AMHR2: variants seen among roughly 807,000 people sequenced by gnomAD.
AMHR2 encodes anti-Muellerian hormone type-2 receptor.
Under a neutral mutation model 61.4 loss-of-function variants are expected in AMHR2, and 36 were observed. That is an observed-to-expected ratio of 0.59 (90% CI 0.45 to 0.77). The LOEUF (loss-of-function observed/expected upper bound fraction) is 0.77. Ranked by LOEUF, AMHR2 falls within the 30% of genes least tolerant of loss-of-function variation. The probability of loss-of-function intolerance (pLI) is 0.00; values close to 1 mark genes in which losing one functional copy is unlikely to be tolerated. For synonymous variants in AMHR2, 258 were observed against 279.4 expected (o/e 0.92, Z 0.76); for missense variants, 638 against 714.6 (o/e 0.89, Z 1.22).
In AMHR2 at chr12:53,425,166, T is replaced by C. The variant is rs1400998320; in HGVS notation, c.426T>C (p.Gly142=). ...CTGCATTCTTGCCTTGATGTCCAGG[T>C]GAGTCCATCTGGATGGCACTGGTGC... is the stretch of plus-strand genomic sequence containing the variant. ...PGSQGPQAAP[G]ESIWMALVLL... The change falls in exon 4 of 11, where the codon GGT becomes GGC. Residue 142 remains glycine (G), a splice_region_variant and synonymous_variant. Coordinates refer to ENST00000257863, the MANE Select transcript of AMHR2 (RefSeq NM_020547.3). 2 of 1,613,870 alleles carry C rather than the reference T, an allele frequency of 1.2e-6. No homozygotes were observed. Among genetic ancestry groups the C allele is most frequent in the Non-Finnish European group, 8.5e-7 (1 of 1,180,020 alleles).
At position 53,429,620 on chromosome 12, in the gene AMHR2, A is replaced by C; in HGVS notation, c.1135A>C (p.Met379Leu). ...TCAACCACAAGGCCCAGCTGCCATC[A>C]TGGAAGTGAGTTCTCTGGATAACTG... is the stretch of plus-strand genomic sequence containing the variant. ...PTQPQGPAAI[M>L]EAGTQRYMAP... The change falls in exon 8 of 11, where the codon ATG (methionine) becomes CTG (leucine). Residue 379 changes from methionine (M) to leucine (L), a missense_variant. Coordinates refer to ENST00000257863, the MANE Select transcript of AMHR2 (RefSeq NM_020547.3). 6.2e-7 allele frequency: 1 copy of C among 1,614,014 alleles called. No homozygotes were observed. The highest frequency in any genetic ancestry group is 8.5e-7 in the Non-Finnish European group (1 of 1,179,960).
chr12:53,428,851 G>A (rs377128287), intron 6 of AMHR2, 45 bp from the exon 7 acceptor site: 40 of 1,405,086 alleles, frequency 2.8e-5, no homozygotes, highest in African/African-American at 2.1e-4. Flanking sequence ...TGGATCAGCC[G>A]TCTCCAGCTT....
intron 2 of AMHR2, 61 bp downstream of exon 2, chr12:53,424,531 G>A (rs1939365991): frequency 2.5e-6 from 4 of 1,589,620 alleles, no homozygotes; most frequent in Non-Finnish European, 3.4e-6. Flanking sequence ...ATCCTGGGGT[G>A]TGGGTGGCAA....
rs1940070225 is a variant in AMHR2 at position 53,431,181 on chromosome 12, C to G, written c.1430C>G (p.Pro477Arg). Residue 477 changes from proline (P) to arginine (R), a missense_variant, in exon 11 of 11, where the codon CCT (proline) becomes CGT (arginine). Transcript: ENST00000257863. Reference sequence around the variant, plus strand: ...CCTCCCTGTCATTCCCCCCAGGACCCTGATGGGCTGAGGGAGCTCCTAGAA... The same window carrying G: ...CCTCCCTGTCATTCCCCCCAGGACCGTGATGGGCTGAGGGAGCTCCTAGAA... ...PSTWRCFATD[P>R]DGLRELLEDC... 1 of 1,614,166 alleles carries G rather than the reference C, an allele frequency of 6.2e-7. No individual in the cohort carries two copies. Among genetic ancestry groups the G allele is most frequent in the South Asian group, 1.1e-5 (1 of 91,084 alleles).
rs1474630968 is a variant in AMHR2, at chr12:53,430,010, G to T, written c.1288+32G>T. The T allele has an allele frequency of 3.1e-6, 5 of 1,614,124 alleles. No individual in the cohort carries two copies. The South Asian group carries it at 4.4e-5, about 14-fold the overall frequency. On this transcript the variant is annotated intron_variant, in intron 9 of 10. Coordinates refer to ENST00000257863, the MANE Select transcript of AMHR2 (RefSeq NM_020547.3). ...ATGGGTGGTACAGTCCCCTCTCCTG[G>T]GCTCCCCCCCGCCCATTCTAGGTTC...
intron 2 of AMHR2, 38 bp from the exon 3 acceptor site, chr12:53,424,671 C>T (rs1203829307): frequency 1.2e-6 from 2 of 1,600,048 alleles, no homozygotes; most frequent in Non-Finnish European, 1.7e-6. Flanking sequence ...TTCCTTGCCC[C>T]CCCTTTCTCT....
At chr12:53,426,365 T>C (rs1373276073) in intron 6 of AMHR2, among the ~76,000 whole-genome samples, 2 of 151,436 alleles carry the variant, frequency 1.3e-5, no homozygotes, top group Non-Finnish European at 2.9e-5. Flanking sequence ...GGCAGACGCC[T>C]GTAATCCCAG....
chr12:53,425,747 T>C lies in AMHR2; in HGVS notation c.680T>C (p.Val227Ala). The C allele has an allele frequency of 6.2e-7, 1 of 1,614,146 alleles. No individual in the cohort carries two copies. The highest frequency in any genetic ancestry group is 8.5e-7 in the Non-Finnish European group (1 of 1,180,016). Residue 227 changes from valine to alanine, a missense_variant, in exon 6 of 11, where the codon GTT (valine) becomes GCT (alanine). Val to Ala is a moderately conservative substitution (Grantham distance 64, BLOSUM62 0). Transcript: ENST00000257863. Reference sequence around the variant, plus strand: ...GCCGGGCAGCTGCAAGGAAAACTGGTTGCCATCAAGGCCTTCCCACCGAGG... The same window carrying C: ...GCCGGGCAGCTGCAAGGAAAACTGGCTGCCATCAAGGCCTTCCCACCGAGG... ...VWAGQLQGKL[V>A]AIKAFPPRSV...
rs1939539536 is a variant in AMHR2 at position 53,425,934 on chromosome 12, G to A, written c.852+15G>A. 3.7e-6 allele frequency: 6 copies of A among 1,608,974 alleles called. No individual in the cohort carries two copies. The highest frequency in any genetic ancestry group is 3.4e-6 in the Non-Finnish European group (4 of 1,176,352). On this transcript the variant is annotated intron_variant, in intron 6 of 10. Coordinates refer to ENST00000257863, the MANE Select transcript of AMHR2 (RefSeq NM_020547.3). ...TGCATCCCAAGGTGAGCACCAAGGAGTGTATATGTGTGTGTGTGTGCCTGT... is the reference window on the plus strand; with the variant it reads ...TGCATCCCAAGGTGAGCACCAAGGAATGTATATGTGTGTGTGTGTGCCTGT...
chr12:53,427,755 G>A (rs1301854312), intron 6 of AMHR2, among the ~76,000 whole-genome samples: 1 of 152,146 alleles, frequency 6.6e-6, no homozygotes, highest in Non-Finnish European at 1.5e-5. Flanking sequence ...AACACATTAT[G>A]AGATAGGAAT....
chr12:53,425,095 C>T (rs1939437598), intron 3 of AMHR2, 70 bp from the exon 4 acceptor site: 1 of 1,607,710 alleles, frequency 6.2e-7, no homozygotes, highest in Non-Finnish European at 8.5e-7. Flanking sequence ...CGCAAGCTCT[C>T]AGGAGGGGAA....
chr12:53,424,851 T>C lies in AMHR2; in HGVS notation c.375T>C (p.Pro125=). Residue 125 remains proline, a synonymous_variant, in exon 3 of 11, where the codon CCT becomes CCC. Transcript: ENST00000257863. Reference sequence around the variant, plus strand: ...ATGCCAATTACAGCCATCTGCCTCCTCCAGGGAGCCCTGGGACTCCTGGCT... The same window carrying C: ...ATGCCAATTACAGCCATCTGCCTCCCCCAGGGAGCCCTGGGACTCCTGGCT... ...FCNANYSHLP[P]PGSPGTPGSQ... The C allele has an allele frequency of 1.9e-6, 3 of 1,613,786 alleles. No individual in the cohort carries two copies. The highest frequency in any genetic ancestry group is 2.5e-6 in the Non-Finnish European group (3 of 1,179,992).
Position 53,424,893 on chromosome 12 carries a change from T to A in AMHR2, c.417T>A (p.Ala139=), listed in dbSNP as rs1939411722. The A allele has an allele frequency of 1.9e-6, 3 of 1,611,378 alleles. No homozygotes were observed. Among genetic ancestry groups the A allele is most frequent in the Non-Finnish European group, 2.5e-6 (3 of 1,179,868 alleles). Residue 139 remains alanine (A), a synonymous_variant, in exon 3 of 11, where the codon GCT becomes GCA. Coordinates refer to ENST00000257863, the MANE Select transcript of AMHR2 (RefSeq NM_020547.3). The part of the protein sequence containing the change: ...PGTPGSQGPQ[A]APGESIWMAL... ...CTCCTGGCTCCCAGGGTCCCCAGGC[T>A]GCCCCAGGTAGCCACCCAAGGGTAC...
intron 6 of AMHR2, among the ~76,000 whole-genome samples, chr12:53,427,225 T>C (rs1483333140): frequency 6.6e-6 from 1 of 151,962 alleles, no homozygotes; most frequent in Admixed American, 6.6e-5. Flanking sequence ...CAATGAACTA[T>C]AAGAATAATA....
At position 53,429,811 on chromosome 12, in the gene AMHR2, C is replaced by T. The variant is rs375643567; in HGVS notation, c.1141-20C>T. 146 of 1,613,992 alleles carry T rather than the reference C, an allele frequency of 9.0e-5. No homozygotes were observed. The highest frequency in any genetic ancestry group is 1.1e-4 in the Non-Finnish European group (134 of 1,180,004). On this transcript the variant is annotated intron_variant, in intron 8 of 10. Coordinates refer to ENST00000257863, the MANE Select transcript of AMHR2 (RefSeq NM_020547.3). ...ATTGCCACAGAGATGATTCTTGGCC[C>T]TTCGTGCCTTGCTCTCCAGGCTGGC...
rs369779256 is a variant in AMHR2, at chr12:53,431,589, G to A, written c.*116G>A. On this transcript the variant is annotated 3_prime_UTR_variant, in exon 11 of 11. Coordinates refer to ENST00000257863, the MANE Select transcript of AMHR2 (RefSeq NM_020547.3). ...CTGCCGAATCCTTGGATTCTTCTGC[G>A]GGCATCCAGTCCACATCAGTTCTGA... The A allele has an allele frequency of 4.9e-4, 652 of 1,335,670 alleles. 1 individual carries two copies. In the African/African-American group the frequency reaches 7.9e-3, roughly 16 times the overall value. The allele number at this position is 1,335,670 out of a possible 1,614,324, so 82.7% of individuals were successfully genotyped here.
Position 53,429,083 on chromosome 12 carries a change from G to A in AMHR2, c.967+73G>A, listed in dbSNP as rs1334186015. On this transcript the variant is annotated intron_variant, in intron 7 of 10. Transcript: ENST00000257863. The stretch of plus-strand genomic sequence containing the variant: ...TGTGATTCTGCCTTAGTTTGGAGGG[G>A]AAAGATTGGGTCAAAAGAGGGAGGA... 7 of 1,355,242 alleles carry A rather than the reference G, an allele frequency of 5.2e-6. No homozygotes were observed. The African/African-American group carries it at 8.7e-5, about 17-fold the overall frequency. 84.0% of individuals were successfully genotyped at this position (1,355,242 alleles called of 1,614,324 possible). A position where few individuals can be genotyped will look rare whatever the true frequency, so the allele number is the denominator to read the frequency against.
At position 53,424,742 on chromosome 12, in the gene AMHR2, C is replaced by G. The variant is rs1263072984; in HGVS notation, c.266C>G (p.Ser89Cys). 1 of 1,613,864 alleles carries G rather than the reference C, an allele frequency of 6.2e-7. No individual in the cohort carries two copies. The highest frequency in any genetic ancestry group is 1.1e-5 in the South Asian group (1 of 91,054). ...CRDSDEPGCE[S>C]LHCDPSPRAH... ...GACAGTGATGAGCCAGGCTGTGAGTCCCTCCACTGTGACCCAAGTCCCCGA... is the reference window on the plus strand; with the variant it reads ...GACAGTGATGAGCCAGGCTGTGAGTGCCTCCACTGTGACCCAAGTCCCCGA... Residue 89 changes from serine (S) to cysteine (C), a missense_variant, in exon 3 of 11, where the codon TCC becomes TGC. Ser to Cys is a moderately radical substitution (Grantham distance 112). Coordinates refer to ENST00000257863, the MANE Select transcript of AMHR2 (RefSeq NM_020547.3).
intron 10 of AMHR2, 171 bp from the exon 11 acceptor site, chr12:53,431,006 G>A (rs1333955115): frequency 1.2e-5 from 10 of 824,720 alleles, no homozygotes; most frequent in South Asian, 9.3e-5. Flanking sequence ...GTTTCATAGG[G>A]AGCAAGACTC....
Sources: allele counts gnomAD v4.1 joint callset (sites outside exome capture counted in the v4.1 genomes callset), GRCh38; gene constraint gnomAD v4.1.1; transcripts MANE v1.5; gene names NCBI Gene and HGNC (gene_info 2026-07-23, HGNC 2026-07-21).